SLC7A11: variants seen among roughly 807,000 people sequenced by gnomAD.
The protein encoded by SLC7A11 is solute carrier family 7 member 11.
SLC7A11 carries 35 observed loss-of-function variants against 54.5 expected under a neutral mutation model. The ratio of observed to expected loss-of-function variants is 0.64; its 90% CI spans 0.49 to 0.85. The LOEUF (loss-of-function observed/expected upper bound fraction) is 0.85. Ranked by LOEUF, SLC7A11 falls within the 40% of genes least tolerant of loss-of-function variation. SLC7A11 has a pLI of 0.00. For synonymous variants in SLC7A11, 230 were observed against 225.2 expected (o/e 1.02, Z -0.19); for missense variants, 583 against 618.1 (o/e 0.94, Z 0.60).
chr4:138,196,814 C>T (rs1452212169), intron 6 of SLC7A11, among the ~76,000 whole-genome samples: 1 of 152,060 alleles, frequency 6.6e-6, no homozygotes, highest in Non-Finnish European at 1.5e-5. Context: ...CAACTGCCAC[C>T]ACACTCAGCT....
At chr4:138,203,343 A>G (rs1314316093) in intron 6 of SLC7A11, among the ~76,000 whole-genome samples, 1 of 152,072 alleles carries the variant, frequency 6.6e-6, no homozygotes, top group African/African-American at 2.4e-5. Context: ...TTCTCATTTC[A>G]ATGCTTTTGA....
rs752680028 is a variant in SLC7A11, at chr4:138,170,271, T to TATATATATATACACACAC, written c.*1684_*1685insGTGTGTGTATATATATAT. The TATATATATATACACACAC allele has an allele frequency of 4.6e-5, 4 of 86,208 alleles. No homozygotes were observed. The highest frequency in any genetic ancestry group is 4.5e-5 in the Non-Finnish European group (2 of 44,332). The allele number at this position is 86,208 out of a possible 1,614,324, so 5.3% of individuals were successfully genotyped here. On this transcript the variant is annotated 3_prime_UTR_variant, in exon 12 of 12. Transcript: ENST00000280612. ...GTGTGTATATATATATATATATATA[T>TATATATATATACACACAC]ACACACACACACACACACACACATA...
At chr4:138,185,302 C>T (rs1044592648) in intron 6 of SLC7A11, 58 bp from the exon 7 acceptor site, 13 of 1,572,240 alleles carry the variant, frequency 8.3e-6, no homozygotes, top group Middle Eastern at 1.7e-4. Flanking sequence ...TCTCTGATAC[C>T]GAAGAAAATA....
At chr4:138,203,456 A>G (rs977795836) in intron 6 of SLC7A11, among the ~76,000 whole-genome samples, 2 of 152,072 alleles carry the variant, frequency 1.3e-5, no homozygotes, top group Non-Finnish European at 2.9e-5. Context: ...TTTCATTAAA[A>G]AAAGATAGCT....
At position 138,207,044 on chromosome 4, in the gene SLC7A11, T is replaced by C. The variant is rs554685476; in HGVS notation, c.791+7541A>G. Among the ~76,000 whole-genome samples, 6 of 147,688 alleles carry C rather than the reference T, an allele frequency of 4.1e-5. No homozygotes were observed. In the East Asian group the frequency reaches 1.2e-3, roughly 29 times the overall value. On this transcript the variant is annotated intron_variant, in intron 6 of 11. Coordinates refer to ENST00000280612, the MANE Select transcript of SLC7A11 (RefSeq NM_014331.4). ...GAGGGATTCTAATTTAGGTATCAAT[T>C]ATTTCAACAATTGAAGAAAAGCAGT...
At chr4:138,221,873 G>C (rs1256225273) in intron 4 of SLC7A11, among the ~76,000 whole-genome samples, 2 of 152,164 alleles carry the variant, frequency 1.3e-5, no homozygotes, top group Non-Finnish European at 2.9e-5. Flanking sequence ...TAGTATTAAA[G>C]AACAGCCAAT....
chr4:138,172,351 T>TA (rs561758097), intron 11 of SLC7A11, among the ~76,000 whole-genome samples: 204 of 152,346 alleles, frequency 1.3e-3, no homozygotes, highest in African/African-American at 4.4e-3. Flanking sequence ...TATATCAGTT[T>TA]AAAATTGGTT....
At position 138,180,778 on chromosome 4, in the gene SLC7A11, T is replaced by C; in HGVS notation, c.1129A>G (p.Met377Val). Residue 377 changes from methionine to valine, a missense_variant, in exon 10 of 12, where the codon ATG (methionine) becomes GTG (valine). Met to Val is a conservative substitution (Grantham distance 21). Transcript: ENST00000280612. ...AGGTCTCCAGAGAAGAGCATTATCA[T>C]TGTCAAAGGGTGCTGAGGGGGGAAA... ...PAVIVLHPLT[M>V]IMLFSGDLDS... 1 of 1,612,376 alleles carries C rather than the reference T, an allele frequency of 6.2e-7. No individual in the cohort carries two copies. Among genetic ancestry groups the C allele is most frequent in the South Asian group, 1.1e-5 (1 of 90,910 alleles).
intron 9 of SLC7A11, 90 bp from the exon 10 acceptor site, chr4:138,180,880 T>A: frequency 9.0e-7 from 1 of 1,109,610 alleles, no homozygotes; most frequent in Non-Finnish European, 1.3e-6. Flanking sequence ...ACGACCTTTT[T>A]CAAATAATTA....
At chr4:138,220,441 C>A (rs955630327) in intron 4 of SLC7A11, among the ~76,000 whole-genome samples, 1 of 146,568 alleles carries the variant, frequency 6.8e-6, no homozygotes, top group Non-Finnish European at 1.5e-5. Context: ...GTGACCCTGT[C>A]CTAGAGAATG....
In SLC7A11 at chr4:138,221,479, C is replaced by T. The variant is rs192416158; in HGVS notation, c.646+1720G>A. On this transcript the variant is annotated intron_variant, in intron 4 of 11. Coordinates refer to ENST00000280612, the MANE Select transcript of SLC7A11 (RefSeq NM_014331.4). ...AAGAAAATCACAATTTTACAGCAAT[C>T]GAGCAAATATACCTGCTAATAATGG... is the stretch of plus-strand genomic sequence containing the variant. Among the ~76,000 whole-genome samples, 294 of 152,230 alleles carry T rather than the reference C, an allele frequency of 1.9e-3. 2 individuals are homozygous for T. The highest frequency in any genetic ancestry group is 6.5e-3 in the African/African-American group (272 of 41,562).
At chr4:138,187,994 GAGAA>G (rs1167693546) in intron 6 of SLC7A11, among the ~76,000 whole-genome samples, 3 of 151,964 alleles carry the variant, frequency 2.0e-5, no homozygotes, top group East Asian at 1.9e-4. Context: ...ATAAACAAAG[GAGAA>G]AGAGTCTAAT....
chr4:138,225,248 T>G (rs1337312839), intron 3 of SLC7A11, among the ~76,000 whole-genome samples: 1 of 149,536 alleles, frequency 6.7e-6, no homozygotes, highest in East Asian at 2.0e-4. Context: ...ATGAAAAAAT[T>G]TTCAAAAGTA....
intron 3 of SLC7A11, among the ~76,000 whole-genome samples, chr4:138,224,028 T>C (rs1020750856): frequency 6.6e-6 from 1 of 152,172 alleles, no homozygotes; most frequent in African/African-American, 2.4e-5. Context: ...TGTCTACAAT[T>C]TCCCAAGCAG....
At chr4:138,231,379 G>A (rs1267718432) in intron 3 of SLC7A11, among the ~76,000 whole-genome samples, 1 of 152,046 alleles carries the variant, frequency 6.6e-6, no homozygotes, top group Non-Finnish European at 1.5e-5. Context: ...CAGGCAATAA[G>A]TAAATTACAG....
intron 11 of SLC7A11, chr4:138,177,992 G>T (rs552049684): frequency 2.6e-5 from 4 of 152,146 alleles, no homozygotes; most frequent in African/African-American, 9.6e-5. Flanking sequence ...AACCCCCAGG[G>T]TGATTCTCCT....
intron 6 of SLC7A11, among the ~76,000 whole-genome samples, chr4:138,193,375 T>C (rs11100834): frequency 0.38 from 57,358 of 151,988 alleles, 11,610 homozygotes; most frequent in Middle Eastern, 0.53. Flanking sequence ...ACTAGTTTTA[T>C]GTATTGACAT....
At chr4:138,181,820 T>TCAA (rs1445468860) in intron 9 of SLC7A11, among the ~76,000 whole-genome samples, 1 of 152,134 alleles carries the variant, frequency 6.6e-6, no homozygotes, top group Admixed American at 6.6e-5. Context: ...TAAAAGACAC[T>TCAA]TGCTCTCAAA....
intron 8 of SLC7A11, among the ~76,000 whole-genome samples, 169 bp downstream of exon 8, chr4:138,183,033 T>C (rs1431967965): frequency 6.6e-6 from 1 of 152,114 alleles, no homozygotes; most frequent in Admixed American, 6.6e-5. Context: ...TGCCCTCTAA[T>C]GGACAGAATA....
Sources: allele counts gnomAD v4.1 joint callset (sites outside exome capture counted in the v4.1 genomes callset), GRCh38; gene constraint gnomAD v4.1.1; transcripts MANE v1.5; gene names NCBI Gene and HGNC (gene_info 2026-07-23, HGNC 2026-07-21).